Variants in PACSIN2 observed in about 807,000 individuals in gnomAD.
The protein encoded by PACSIN2 is protein kinase C and casein kinase substrate in neurons 2.
Under a neutral mutation model 63.8 loss-of-function variants are expected in PACSIN2, and 25 were observed. That is an observed-to-expected ratio of 0.39 (90% CI 0.29 to 0.55). PACSIN2 has a LOEUF of 0.55. PACSIN2 is among the 20% of genes least tolerant of loss of function. The pLI is 0.62. For synonymous variants in PACSIN2, 255 were observed against 256.2 expected (o/e 1.00, Z 0.05); for missense variants, 518 against 646.9 (o/e 0.80, Z 2.16).
In PACSIN2 at chr22:42,874,413, A is replaced by T. The variant is rs78390214; in HGVS notation, c.1348+1724T>A. Among the ~76,000 whole-genome samples the T allele has an allele frequency of 2.5e-3, 381 of 152,294 alleles. 1 individual carries two copies. Among genetic ancestry groups the T allele is most frequent in the African/African-American group, 8.9e-3 (368 of 41,568 alleles). On this transcript the variant is annotated intron_variant, in intron 10 of 10. Transcript: ENST00000263246. ...AAGTCTTCACAGGCAGAGCACATGT[A>T]ATCAGGATCCAGGCTGTTTTATAAA...
At chr22:42,978,338 T>C (rs560606236) in intron 1 of PACSIN2, among the ~76,000 whole-genome samples, 7 of 152,366 alleles carry the variant, frequency 4.6e-5, no homozygotes, top group Non-Finnish European at 5.9e-5. Context: ...TAGCTGTTTA[T>C]ACATCTTCTG....
intron 1 of PACSIN2, among the ~76,000 whole-genome samples, chr22:42,959,017 T>C (rs1297112831): frequency 1.3e-5 from 2 of 152,158 alleles, no homozygotes; most frequent in Non-Finnish European, 1.5e-5. Context: ...AATAAGACTT[T>C]TACATTTTGT....
At chr22:42,902,255 T>C (rs1413188461) in intron 2 of PACSIN2, among the ~76,000 whole-genome samples, 1 of 152,206 alleles carries the variant, frequency 6.6e-6, no homozygotes, top group Non-Finnish European at 1.5e-5. Flanking sequence ...AAGACAGCTC[T>C]GAGGCAAGGC....
intron 1 of PACSIN2, among the ~76,000 whole-genome samples, chr22:43,012,439 T>C (rs1161584489): frequency 1.3e-5 from 2 of 151,992 alleles, no homozygotes; most frequent in South Asian, 2.1e-4. Flanking sequence ...CAGAATGCTA[T>C]GTTGGTGGAA....
chr22:42,895,837 C>A (rs1930239256), intron 2 of PACSIN2, among the ~76,000 whole-genome samples: 1 of 152,232 alleles, frequency 6.6e-6, no homozygotes, highest in Non-Finnish European at 1.5e-5. Context: ...GACCGAGGCA[C>A]CCCAGCAACA....
intron 1 of PACSIN2, among the ~76,000 whole-genome samples, chr22:42,991,990 C>T (rs201150880): frequency 6.6e-6 from 1 of 151,264 alleles, no homozygotes; most frequent in Non-Finnish European, 1.5e-5. Context: ...CAAAAAAGCA[C>T]AAGCCGTAAA....
chr22:42,904,863 C>CTGTG (rs1392355773), intron 2 of PACSIN2, among the ~76,000 whole-genome samples: 1 of 152,214 alleles, frequency 6.6e-6, no homozygotes, highest in Non-Finnish European at 1.5e-5. Flanking sequence ...CCTGGGCACC[C>CTGTG]CAGCTCCGCC....
chr22:43,014,186 G>A (rs1924690974), intron 1 of PACSIN2, among the ~76,000 whole-genome samples: 1 of 151,542 alleles, frequency 6.6e-6, no homozygotes, highest in Admixed American at 6.6e-5. Flanking sequence ...CCCTAGAGGA[G>A]TAAGGAGTTC....
chr22:42,963,385 C>T (rs1003657681), intron 1 of PACSIN2, among the ~76,000 whole-genome samples: 1 of 152,208 alleles, frequency 6.6e-6, no homozygotes, highest in African/African-American at 2.4e-5. Context: ...TCAGCTCAGG[C>T]CCCCTGCAGA....
chr22:42,972,736 G>A (rs1871420836), intron 1 of PACSIN2, among the ~76,000 whole-genome samples: 1 of 152,004 alleles, frequency 6.6e-6, no homozygotes, highest in Admixed American at 6.6e-5. Context: ...AGAAAAGTCA[G>A]CCATGCTTTT....
chr22:42,935,552 T>C (rs1932892767), intron 1 of PACSIN2, among the ~76,000 whole-genome samples: 1 of 152,182 alleles, frequency 6.6e-6, no homozygotes, highest in African/African-American at 2.4e-5. Context: ...ACACTTAAAA[T>C]GGACTTCGTG....
At chr22:42,962,101 C>T (rs1010285944) in intron 1 of PACSIN2, among the ~76,000 whole-genome samples, 2 of 152,058 alleles carry the variant, frequency 1.3e-5, no homozygotes. Flanking sequence ...ACCAGCCTGG[C>T]CAACATGGTG....
intron 8 of PACSIN2, among the ~76,000 whole-genome samples, 186 bp from the exon 9 acceptor site, chr22:42,877,196 C>T (rs562935919): frequency 6.6e-6 from 1 of 152,182 alleles, no homozygotes; most frequent in African/African-American, 2.4e-5. Context: ...GAAACACGGT[C>T]CAGGAGCCTA....
chr22:42,880,485 T>C (rs1029301757), intron 7 of PACSIN2: 1 of 151,996 alleles, frequency 6.6e-6, no homozygotes, highest in South Asian at 2.1e-4. Context: ...CGGCTCTCAA[T>C]ACCCCTGACA....
chr22:42,939,699 CT>C (rs1933063878), intron 1 of PACSIN2, among the ~76,000 whole-genome samples: 1 of 152,206 alleles, frequency 6.6e-6, no homozygotes, highest in South Asian at 2.1e-4. Flanking sequence ...CCCGCTCTGG[CT>C]TTTACAGTCT....
rs776580891 is a variant in PACSIN2, at chr22:42,888,700, A to G, written c.552T>C (p.Pro184=). 2 of 1,614,172 alleles carry G rather than the reference A, an allele frequency of 1.2e-6. No homozygotes were observed. The highest frequency in any genetic ancestry group is 1.7e-6 in the Non-Finnish European group (2 of 1,180,020). ...ANSKADPSLN[P]EQLKKLQDKI... is the part of the protein sequence containing the mutation. ...TGTCTTGCAATTTCTTGAGCTGTTC[A>G]GGGTTGAGGGATGGGTCTGCCTTGC... The change falls in exon 5 of 11, where the codon CCT becomes CCC. Residue 184 remains proline, a synonymous_variant. Coordinates refer to ENST00000263246, the MANE Select transcript of PACSIN2 (RefSeq NM_001184970.3).
rs771032217 is a variant in PACSIN2 at position 42,876,210 on chromosome 22, C to T, written c.1275G>A (p.Ser425=). 6.2e-6 allele frequency: 10 copies of T among 1,614,222 alleles called. No individual in the cohort carries two copies. Among genetic ancestry groups the T allele is most frequent in the Admixed American group, 5.0e-5 (3 of 60,032 alleles). The change falls in exon 10 of 11, where the codon TCG becomes TCA. Residue 425 remains serine, a synonymous_variant. Transcript: ENST00000263246. ...GGGCCCGGACTCGCACTTCCGTCCC[C>T]GAGGTGGCGTCGTCGTCGAATGGAT... The part of the protein sequence containing the change: ...DSNPFDDDAT[S]GTEVRVRALY...
chr22:42,959,160 G>A (rs570509997), intron 1 of PACSIN2, among the ~76,000 whole-genome samples: 4 of 152,226 alleles, frequency 2.6e-5, no homozygotes, highest in African/African-American at 7.2e-5. Flanking sequence ...GTCCTGGAGC[G>A]GTGGCAGGTG....
Position 42,990,040 on chromosome 22 carries a change from A to G in PACSIN2, c.-78+24981T>C, listed in dbSNP as rs866635134. 8.1e-3 allele frequency among the ~76,000 whole-genome samples: 210 copies of G among 25,984 alleles called. 6 individuals carry two copies. The highest frequency in any genetic ancestry group is 0.044 in the African/African-American group (195 of 4,454). The allele number at this position is 25,984 out of a possible 152,430, so 17.0% of individuals were successfully genotyped here. Reference sequence around the variant, plus strand: ...TACACACATATGTATATATATGTATATATATATATATACACACACATATGT... The same window carrying G: ...TACACACATATGTATATATATGTATGTATATATATATACACACACATATGT... On this transcript the variant is annotated intron_variant, in intron 1 of 10. Transcript: ENST00000263246.
Sources: allele counts gnomAD v4.1 joint callset (sites outside exome capture counted in the v4.1 genomes callset), GRCh38; gene constraint gnomAD v4.1.1; transcripts MANE v1.5; gene names NCBI Gene and HGNC (gene_info 2026-07-23, HGNC 2026-07-21).